HSPA4L: variants seen among roughly 807,000 people sequenced by gnomAD.
The protein encoded by HSPA4L is heat shock protein family A (Hsp70) member 4 like.
A neutral mutation model predicts 100.3 loss-of-function variants in HSPA4L; 48 were observed. That is an observed-to-expected ratio of 0.48 (90% CI 0.38 to 0.61). The LOEUF (loss-of-function observed/expected upper bound fraction) is 0.61. Among genes scored for constraint, HSPA4L ranks in the 20% least tolerant of loss-of-function variants. The pLI, the probability that HSPA4L is intolerant of heterozygous loss-of-function variation, is 0.00. For missense variants in HSPA4L, 886 were observed against 988.6 expected (o/e 0.90, Z 1.39); for synonymous variants, 319 against 328.2 (o/e 0.97, Z 0.30).
Position 127,834,633 on chromosome 4 carries a change from A to T in HSPA4L, c.*1759A>T, listed in dbSNP as rs775961768. ...TGAAATACATTTTTTACAAACATAG[A>T]TGCTTTTTATTTGTATGTTGAATGT... On this transcript the variant is annotated 3_prime_UTR_variant, in exon 19 of 19. Coordinates refer to ENST00000296464, the MANE Select transcript of HSPA4L (RefSeq NM_014278.4). 11 of 152,182 alleles carry T rather than the reference A, an allele frequency of 7.2e-5. No homozygotes were observed. Among genetic ancestry groups the T allele is most frequent in the Non-Finnish European group, 1.3e-4 (9 of 68,012 alleles). The allele number at this position is 152,182 out of a possible 1,614,324, so 9.4% of individuals were successfully genotyped here.
Position 127,801,786 on chromosome 4 carries a change from T to C in HSPA4L, c.531T>C (p.Val177=), listed in dbSNP as rs780366524. Residue 177 remains valine, a splice_region_variant and synonymous_variant, in exon 6 of 19, where the codon GTT becomes GTC. Coordinates refer to ENST00000296464, the MANE Select transcript of HSPA4L (RefSeq NM_014278.4). The part of the protein sequence containing the change: ...CLRLMNETTA[V]ALAYGIYKQD... ...ACATAATTCTTTGTTCTTATACAGT[T>C]GCACTGGCGTATGGAATTTATAAAC... 4 of 1,599,158 alleles carry C rather than the reference T, an allele frequency of 2.5e-6. No homozygotes were observed. In the East Asian group the frequency reaches 8.9e-5, roughly 36 times the overall value.
At chr4:127,785,490 T>A (rs1732691368) in intron 1 of HSPA4L, among the ~76,000 whole-genome samples, 1 of 151,946 alleles carries the variant, frequency 6.6e-6, no homozygotes, top group South Asian at 2.1e-4. Flanking sequence ...CAGGCTAGAG[T>A]GCAGTGGCGC....
chr4:127,812,832 A>C, intron 12 of HSPA4L: 1 of 1,208,848 alleles, frequency 8.3e-7, no homozygotes, highest in Non-Finnish European at 1.2e-6. Context: ...GAACCCAGGT[A>C]CCTTTCTCTT....
At position 127,838,284 on chromosome 4, in the gene HSPA4L, G is replaced by T. The variant is rs953045026; in HGVS notation, c.*5410G>T. ...TTAGAAGAAAAGAAGAAACCTAAAT[G>T]TCTGTGGAAGTGATCAGTATTAAGT... On this transcript the variant is annotated 3_prime_UTR_variant, in exon 19 of 19. Transcript: ENST00000296464. 2 of 152,182 alleles carry T rather than the reference G, an allele frequency of 1.3e-5. No homozygotes were observed. The highest frequency in any genetic ancestry group is 2.9e-5 in the Non-Finnish European group (2 of 68,028). 9.4% of individuals were successfully genotyped at this position (152,182 alleles called of 1,614,324 possible). A position where few individuals can be genotyped will look rare whatever the true frequency, so the allele number is the denominator to read the frequency against.
intron 11 of HSPA4L, chr4:127,809,368 A>T (rs1733462098): frequency 8.5e-7 from 1 of 1,182,746 alleles, no homozygotes; most frequent in Non-Finnish European, 1.3e-6. Flanking sequence ...GCCCAGCAGA[A>T]GGCAGCTTTG....
chr4:127,821,716 G>A lies in HSPA4L; in HGVS notation c.1813-1053G>A, dbSNP rs1010334003. ...CAACCACTATACCATATCCACCCCC[G>A]CAAGGCTTTTATTCATTACCAGTTA... On this transcript the variant is annotated intron_variant, in intron 14 of 18. Coordinates refer to ENST00000296464, the MANE Select transcript of HSPA4L (RefSeq NM_014278.4). 1.6e-4 allele frequency among the ~76,000 whole-genome samples: 25 copies of A among 152,020 alleles called. No individual in the cohort carries two copies. In the East Asian group the frequency reaches 4.1e-3, roughly 25 times the overall value.
At position 127,839,888 on chromosome 4, in the gene HSPA4L, A is replaced by C. The variant is rs1207632332; in HGVS notation, c.*7014A>C. On this transcript the variant is annotated 3_prime_UTR_variant, in exon 19 of 19. Coordinates refer to ENST00000296464, the MANE Select transcript of HSPA4L (RefSeq NM_014278.4). ...TAGCAAATAGAAGCAATTTTTAATG[A>C]GGTTACTGAATTGTTTAGTATTCCT... 6.6e-6 allele frequency: 1 copy of C among 152,112 alleles called. No individual in the cohort carries two copies. Among genetic ancestry groups the C allele is most frequent in the Non-Finnish European group, 1.5e-5 (1 of 68,028 alleles). 9.4% of individuals were successfully genotyped at this position (152,112 alleles called of 1,614,324 possible). A position where few individuals can be genotyped will look rare whatever the true frequency, so the allele number is the denominator to read the frequency against.
chr4:127,807,119 G>A (rs1277658185), intron 10 of HSPA4L, among the ~76,000 whole-genome samples: 1 of 151,888 alleles, frequency 6.6e-6, no homozygotes, highest in Non-Finnish European at 1.5e-5. Context: ...GAAGGTATTG[G>A]TAGTTTCTTG....
intron 4 of HSPA4L, among the ~76,000 whole-genome samples, chr4:127,799,508 T>C (rs1343604936): frequency 6.6e-6 from 1 of 152,186 alleles, no homozygotes; most frequent in Admixed American, 6.5e-5. Flanking sequence ...AGATGTCAAA[T>C]AACTTGCCCA....
rs991979573 is a variant in HSPA4L, at chr4:127,783,595, A to G, written c.107+938A>G. ...AATGAAGTAATTCTGAAATATGAAA[A>G]ACTAGTTGCTGCTTATAGGCTGCTG... On this transcript the variant is annotated intron_variant, in intron 1 of 18. Transcript: ENST00000296464. The G allele has an allele frequency of 2.0e-6, 3 of 1,532,732 alleles. No homozygotes were observed. In the African/African-American group the frequency reaches 4.1e-5, roughly 21 times the overall value. 94.9% of individuals were successfully genotyped at this position (1,532,732 alleles called of 1,614,324 possible). A position where few individuals can be genotyped will look rare whatever the true frequency, so the allele number is the denominator to read the frequency against.
At chr4:127,799,700 G>A (rs1033591859) in intron 4 of HSPA4L, among the ~76,000 whole-genome samples, 6 of 152,122 alleles carry the variant, frequency 3.9e-5, no homozygotes, top group Non-Finnish European at 8.8e-5. Context: ...ATTCATGTCA[G>A]AACAGAGTAA....
At chr4:127,788,211 AATTT>A (rs1732771830) in intron 1 of HSPA4L, among the ~76,000 whole-genome samples, 2 of 152,248 alleles carry the variant, frequency 1.3e-5, no homozygotes, top group South Asian at 2.1e-4. Flanking sequence ...GCTTCAAGCT[AATTT>A]ATTTATGATT....
At chr4:127,782,767 G>A (rs1578682411) in intron 1 of HSPA4L, 110 bp downstream of exon 1, 5 of 786,234 alleles carry the variant, frequency 6.4e-6, no homozygotes, top group East Asian at 2.9e-5. Flanking sequence ...AACGTGCGCC[G>A]AACCCCGAGA....
chr4:127,808,080 A>C lies in HSPA4L; in HGVS notation c.1329A>C (p.Glu443Asp). The C allele has an allele frequency of 6.2e-7, 1 of 1,612,742 alleles. No homozygotes were observed. The highest frequency in any genetic ancestry group is 8.5e-7 in the Non-Finnish European group (1 of 1,179,118). The change falls in exon 11 of 19, where the codon GAA (glutamate) becomes GAC (aspartate). Residue 443 changes from glutamate (E) to aspartate (D), a missense_variant. Physicochemically the swap from Glu to Asp is conservative, Grantham distance 45. Coordinates refer to ENST00000296464, the MANE Select transcript of HSPA4L (RefSeq NM_014278.4). Reference protein sequence around the residue: ...TFHKKEPFELEAFYTNLHEVP... With the variant: ...TFHKKEPFELDAFYTNLHEVP... The stretch of plus-strand genomic sequence containing the variant: ...ACAAGAAGGAACCATTTGAACTAGA[A>C]GCATTTTATACTAATTTACATGAAG...
chr4:127,803,982 A>G (rs771077576), intron 7 of HSPA4L, 29 bp from the exon 8 acceptor site: 2 of 1,612,664 alleles, frequency 1.2e-6, no homozygotes, highest in South Asian at 1.1e-5. Context: ...TAATCCCAGA[A>G]TAATGAATTT....
At position 127,818,382 on chromosome 4, in the gene HSPA4L, C is replaced by A; in HGVS notation, c.1636C>A (p.Pro546Thr). The A allele has an allele frequency of 6.2e-7, 1 of 1,610,166 alleles. No individual in the cohort carries two copies. Among genetic ancestry groups the A allele is most frequent in the South Asian group, 1.1e-5 (1 of 90,246 alleles). The change falls in exon 13 of 19, where the codon CCA becomes ACA. Residue 546 changes from proline (P) to threonine (T), a missense_variant. Physicochemically the swap from Pro to Thr is conservative, Grantham distance 38. Transcript: ENST00000296464. ...GHQKCHAEHTPEEEIDHTGAK... is the reference protein window; with the variant it reads ...GHQKCHAEHTTEEEIDHTGAK... Reference sequence around the variant, plus strand: ...TCAAAAATGTCATGCTGAACACACTCCAGAAGAGGAAATTGATCATACAGG... The same window carrying A: ...TCAAAAATGTCATGCTGAACACACTACAGAAGAGGAAATTGATCATACAGG...
At chr4:127,782,026 G>A (rs1331161387), upstream of HSPA4L, 4 of 454,084 alleles carry the variant, frequency 8.8e-6, no homozygotes, top group East Asian at 7.0e-5. Flanking sequence ...CCGACCGCCC[G>A]ACGTCCTACT....
chr4:127,806,059 TTC>T (rs1448378054), intron 10 of HSPA4L, among the ~76,000 whole-genome samples: 1 of 152,016 alleles, frequency 6.6e-6, no homozygotes, highest in Non-Finnish European at 1.5e-5. Context: ...ATTTGTCATA[TTC>T]TCTCTTAGCC....
intron 4 of HSPA4L, among the ~76,000 whole-genome samples, 168 bp from the exon 5 acceptor site, chr4:127,800,970 G>A (rs1733157993): frequency 6.6e-6 from 1 of 151,976 alleles, no homozygotes; most frequent in African/African-American, 2.4e-5. Flanking sequence ...AGATTTTTAT[G>A]GTATAGAAAT....
Sources: allele counts gnomAD v4.1 joint callset (sites outside exome capture counted in the v4.1 genomes callset), GRCh38; gene constraint gnomAD v4.1.1; transcripts MANE v1.5; gene names NCBI Gene and HGNC (gene_info 2026-07-23, HGNC 2026-07-21).